PTPRG: variants seen among roughly 807,000 people sequenced by gnomAD.
The protein encoded by PTPRG is receptor-type tyrosine-protein phosphatase gamma.
Under a neutral mutation model 165.3 loss-of-function variants are expected in PTPRG, and 102 were observed. The observed-to-expected ratio is 0.62, with a 90% CI of 0.53 to 0.73. The LOEUF (loss-of-function observed/expected upper bound fraction) is 0.73. Ranked by LOEUF, PTPRG falls within the 30% of genes least tolerant of loss-of-function variation. PTPRG has a pLI of 0.00. For synonymous variants in PTPRG, 675 were observed against 669.5 expected, an observed-to-expected ratio of 1.01 and a Z score of -0.13; for missense variants, 1,866 against 1,861.4, an observed-to-expected ratio of 1.00 and a Z score of -0.05.
At chr3:61,963,669 A>G (rs1201374527) in intron 2 of PTPRG, among the ~76,000 whole-genome samples, 1 of 152,198 alleles carries the variant, frequency 6.6e-6, no homozygotes, top group Non-Finnish European at 1.5e-5. Flanking sequence ...AATAGTTCTT[A>G]CAACTTGTAT....
chr3:62,285,342 T>C (rs1559762846), intron 28 of PTPRG, among the ~76,000 whole-genome samples: 1 of 152,166 alleles, frequency 6.6e-6, no homozygotes, highest in Non-Finnish European at 1.5e-5. Context: ...GCTTAAATTC[T>C]TCTTTTCAAA....
At chr3:62,005,320 A>G (rs1309643444) in intron 4 of PTPRG, among the ~76,000 whole-genome samples, 1 of 152,084 alleles carries the variant, frequency 6.6e-6, no homozygotes, top group Admixed American at 6.5e-5. Context: ...CTTTATTTCC[A>G]CTTGGAAAAC....
chr3:61,569,591 T>G (rs1044893767), intron 1 of PTPRG, among the ~76,000 whole-genome samples: 16 of 152,200 alleles, frequency 1.1e-4, no homozygotes, highest in African/African-American at 3.9e-4. Context: ...AGTGCTAGGA[T>G]TACAGGCCTG....
intron 12 of PTPRG, among the ~76,000 whole-genome samples, chr3:62,218,193 C>A (rs1295478306): frequency 6.6e-6 from 1 of 152,046 alleles, no homozygotes; most frequent in Non-Finnish European, 1.5e-5. Flanking sequence ...GATTCTAGGG[C>A]AAGATGTCAT....
At chr3:61,661,072 A>AT (rs1244195894) in intron 1 of PTPRG, among the ~76,000 whole-genome samples, 8 of 147,848 alleles carry the variant, frequency 5.4e-5, no homozygotes, top group South Asian at 2.2e-4. Context: ...CTAATTAAAA[A>AT]TTTTTTTTTT....
chr3:62,198,290 G>A (rs1655507174), intron 10 of PTPRG, among the ~76,000 whole-genome samples: 1 of 152,162 alleles, frequency 6.6e-6, no homozygotes, highest in African/African-American at 2.4e-5. Context: ...TACAAACAGG[G>A]AAATGATGGC....
intron 17 of PTPRG, 126 bp from the exon 18 acceptor site, chr3:62,267,284 C>T (rs1294558957): frequency 7.1e-6 from 5 of 699,966 alleles, no homozygotes; most frequent in Non-Finnish European, 1.2e-5. Flanking sequence ...AGTTGTTCTG[C>T]CAAAAGTTTT....
chr3:61,732,758 A>AAATC lies in PTPRG; in HGVS notation c.86-16119_86-16116dup, dbSNP rs1251235747. 4.8e-3 allele frequency among the ~76,000 whole-genome samples: 636 copies of AAATC among 131,500 alleles called. 2 individuals carry two copies. The highest frequency in any genetic ancestry group is 6.1e-3 in the Non-Finnish European group (366 of 59,646). The allele number at this position is 131,500 out of a possible 152,430, so 86.3% of individuals were successfully genotyped here. A position where few individuals can be genotyped will look rare whatever the true frequency, so the allele number is the denominator to read the frequency against. On this transcript the variant is annotated intron_variant, in intron 1 of 29. Coordinates refer to ENST00000474889, the MANE Select transcript of PTPRG (RefSeq NM_002841.4). ...TAAATAAATAAATAAATAAATAAAT[A>AAATC]AATCTTGCATTAGCTAGGGGCGACA...
At chr3:61,892,976 T>A (rs1296274477) in intron 2 of PTPRG, among the ~76,000 whole-genome samples, 1 of 152,180 alleles carries the variant, frequency 6.6e-6, no homozygotes, top group African/African-American at 2.4e-5. Context: ...CAATACAGCA[T>A]AAGAATCAAA....
rs564761041 is a variant in PTPRG, at chr3:62,166,197, C to CTTTTTTTTTTTTTTTTTTTT, written c.841-1757_841-1738dup. On this transcript the variant is annotated intron_variant, in intron 7 of 29. Coordinates refer to ENST00000474889, the MANE Select transcript of PTPRG (RefSeq NM_002841.4). ...TGGCTGCATATTTCAAATTACAGTT[C>CTTTTTTTTTTTTTTTTTTTT]TTTTTTTTTTTTTTTTTTTTTTTTT... Among the ~76,000 whole-genome samples, 9 of 53,932 alleles carry CTTTTTTTTTTTTTTTTTTTT rather than the reference C, an allele frequency of 1.7e-4. 4 individuals carry two copies. Among genetic ancestry groups the CTTTTTTTTTTTTTTTTTTTT allele is most frequent in the African/African-American group, 3.7e-4 (5 of 13,382 alleles). 35.4% of individuals were successfully genotyped at this position (53,932 alleles called of 152,430 possible). A position where few individuals can be genotyped will look rare whatever the true frequency, so the allele number is the denominator to read the frequency against.
chr3:61,805,530 C>CAAAAA (rs58646519), intron 2 of PTPRG, among the ~76,000 whole-genome samples: 12 of 96,512 alleles, frequency 1.2e-4, no homozygotes, highest in African/African-American at 3.1e-4. Flanking sequence ...ATGGGAAAGA[C>CAAAAA]AAAAAAAAAA....
At chr3:61,572,776 T>C (rs1700086268) in intron 1 of PTPRG, among the ~76,000 whole-genome samples, 1 of 152,162 alleles carries the variant, frequency 6.6e-6, no homozygotes, top group African/African-American at 2.4e-5. Context: ...TAACCTGAAA[T>C]TAAATAGTGC....
rs1700260863 is a variant in PTPRG, at chr3:62,045,509, C to T, written c.520-32654C>T. On this transcript the variant is annotated intron_variant, in intron 4 of 29. Coordinates refer to ENST00000474889, the MANE Select transcript of PTPRG (RefSeq NM_002841.4). ...AGACATGAACTGTGTAGAGTCAAACCTCATTTTGTCCAGCTCTTAGATTTA... is the reference window on the plus strand; with the variant it reads ...AGACATGAACTGTGTAGAGTCAAACTTCATTTTGTCCAGCTCTTAGATTTA... Among the ~76,000 whole-genome samples the T allele has an allele frequency of 5.3e-5, 8 of 152,250 alleles. 1 individual carries two copies. In the Middle Eastern group the frequency reaches 0.014, roughly 259 times the overall value.
At position 62,293,475 on chromosome 3, in the gene PTPRG, G is replaced by A. The variant is rs1225521569; in HGVS notation, c.*168G>A. On this transcript the variant is annotated 3_prime_UTR_variant, in exon 30 of 30. Transcript: ENST00000474889. ...TTTTATGTCTTAATGGTATCCTACTGAGCATTTGCACCTCTGTTCATTTCA... is the reference window on the plus strand; with the variant it reads ...TTTTATGTCTTAATGGTATCCTACTAAGCATTTGCACCTCTGTTCATTTCA... 1.9e-6 allele frequency: 1 copy of A among 530,352 alleles called. No individual in the cohort carries two copies. Among genetic ancestry groups the A allele is most frequent in the African/African-American group, 2.0e-5 (1 of 51,218 alleles). 32.9% of individuals were successfully genotyped at this position (530,352 alleles called of 1,614,324 possible). A position where few individuals can be genotyped will look rare whatever the true frequency, so the allele number is the denominator to read the frequency against.
At chr3:62,027,846 G>C (rs1699618503) in intron 4 of PTPRG, among the ~76,000 whole-genome samples, 1 of 152,180 alleles carries the variant, frequency 6.6e-6, no homozygotes, top group Admixed American at 6.5e-5. Flanking sequence ...CCGGGGATTA[G>C]GAAGAGAGGC....
At chr3:61,759,695 G>A (rs1462378115) in intron 2 of PTPRG, among the ~76,000 whole-genome samples, 1 of 151,930 alleles carries the variant, frequency 6.6e-6, no homozygotes, top group Non-Finnish European at 1.5e-5. Flanking sequence ...TATTCCTTGA[G>A]TGTAGTATTC....
chr3:62,256,512 G>A (rs1701539727), intron 16 of PTPRG, among the ~76,000 whole-genome samples: 1 of 152,134 alleles, frequency 6.6e-6, no homozygotes, highest in Admixed American at 6.5e-5. Flanking sequence ...GCTATTAGAT[G>A]CTTACTAAAA....
At chr3:61,850,701 G>C (rs1255930812) in intron 2 of PTPRG, among the ~76,000 whole-genome samples, 2 of 151,726 alleles carry the variant, frequency 1.3e-5, no homozygotes, top group Non-Finnish European at 1.5e-5. Context: ...TATTTTTATT[G>C]ACATTAAGAT....
intron 2 of PTPRG, among the ~76,000 whole-genome samples, chr3:61,923,692 ATTTTTTTT>A (rs71123241): frequency 8.9e-5 from 9 of 100,876 alleles, no homozygotes; most frequent in Admixed American, 1.1e-4. Context: ...TATTTTTTGT[ATTTTTTTT>A]TTTTTTTTTT....
Sources: gnomAD v4.1 joint callset for allele counts (sites outside exome capture counted in the v4.1 genomes callset) on GRCh38, gnomAD v4.1.1 for gene constraint, MANE v1.5 for transcripts, NCBI Gene and HGNC (gene_info 2026-07-23, HGNC 2026-07-21) for gene names.